Variants in COASY observed in about 807,000 individuals in gnomAD.
COASY encodes Coenzyme A synthase.
COASY carries 31 observed loss-of-function variants against 49.4 expected under a neutral mutation model. The ratio of observed to expected loss-of-function variants is 0.63; its 90% CI spans 0.47 to 0.85. The LOEUF is 0.85. Among genes scored for constraint, COASY ranks in the 40% least tolerant of loss-of-function variants. The pLI is 0.00. For synonymous variants in COASY, 285 were observed against 310.9 expected (o/e 0.92, Z 0.88); for missense variants, 730 against 734.1 (o/e 0.99, Z 0.06).
chr17:42,562,503 C>T lies in COASY; in HGVS notation c.-120C>T. On this transcript the variant is annotated 5_prime_UTR_variant, in exon 1 of 9. Transcript: ENST00000393818. The stretch of plus-strand genomic sequence containing the variant: ...GCTCCTGTCGGTCAGCACTGAAACC[C>T]CGTCCCTGCTCCAGGCCTCCTTCTC... The T allele has an allele frequency of 6.2e-7, 1 of 1,613,554 alleles. No homozygotes were observed. The highest frequency in any genetic ancestry group is 8.5e-7 in the Non-Finnish European group (1 of 1,179,800).
At chr17:42,563,682 T>C (rs1032970903) in intron 1 of COASY, 10 of 516,898 alleles carry the variant, frequency 1.9e-5, no homozygotes, top group African/African-American at 1.3e-4. Context: ...GGTCTTGGAA[T>C]TTTCCATCTG....
Position 42,564,971 on chromosome 17 carries a change from TG to T in COASY, c.1238-11del. The T allele has an allele frequency of 6.2e-7, 1 of 1,614,186 alleles. No individual in the cohort carries two copies. Among genetic ancestry groups the T allele is most frequent in the Non-Finnish European group, 8.5e-7 (1 of 1,180,028 alleles). ...AGGCCTCTGTGCTCAGTTGTCTGTCTGTGTTGTCCAGATATTCTCCATAAAG... is the reference window on the plus strand; with the variant it reads ...AGGCCTCTGTGCTCAGTTGTCTGTCTTGTTGTCCAGATATTCTCCATAAAG... On this transcript the variant is annotated splice_polypyrimidine_tract_variant and intron_variant, in intron 4 of 8. Transcript: ENST00000393818.
chr17:42,564,635 A>C, intron 3 of COASY, 58 bp downstream of exon 3: 4 of 1,559,622 alleles, frequency 2.6e-6, no homozygotes, highest in Admixed American at 3.8e-5. Flanking sequence ...TGGAGAGTAG[A>C]AGCTGAGGGG....
At position 42,564,149 on chromosome 17, in the gene COASY, G is replaced by T; in HGVS notation, c.889G>T (p.Ala297Ser). 1 of 1,614,116 alleles carries T rather than the reference G, an allele frequency of 6.2e-7. No homozygotes were observed. The change falls in exon 2 of 9, where the codon GCC becomes TCC. Residue 297 changes from alanine to serine, a missense_variant. By Grantham distance (99) the Ala-to-Ser change is moderately conservative. Transcript: ENST00000393818. ...CGAGGAGACCTATCGTGGGGGGATG[G>T]CCATCAACCGCTTCCGCCTTGAGAA... Reference protein sequence around the residue: ...VSEETYRGGMAINRFRLENDL... With the variant: ...VSEETYRGGMSINRFRLENDL...
chr17:42,562,363 C>G lies in COASY; in HGVS notation c.-260C>G, dbSNP rs986699620. 1.3e-6 allele frequency: 2 copies of G among 1,559,924 alleles called. No individual in the cohort carries two copies. Among genetic ancestry groups the G allele is most frequent in the Admixed American group, 3.4e-5 (2 of 59,526 alleles). On this transcript the variant is annotated 5_prime_UTR_variant, in exon 1 of 9. Coordinates refer to ENST00000393818, the MANE Select transcript of COASY (RefSeq NM_025233.7). Reference sequence around the variant, plus strand: ...ACAAGGGTTCCTGTCCAGTTTCCCCCTCCCAGGATTTCGACTCAGTTCAGC... The same window carrying G: ...ACAAGGGTTCCTGTCCAGTTTCCCCGTCCCAGGATTTCGACTCAGTTCAGC...
rs916188526 is a variant in COASY at position 42,566,263 on chromosome 17, G to A, written c.*295G>A. On this transcript the variant is annotated 3_prime_UTR_variant, in exon 9 of 9. Coordinates refer to ENST00000393818, the MANE Select transcript of COASY (RefSeq NM_025233.7). ...ACTGGAACCTGTAACAGAATTAAAG[G>A]TGAATGTTCTGAGATGTTGCTTGTA... 8.8e-6 allele frequency: 4 copies of A among 456,258 alleles called. No homozygotes were observed. In the Admixed American group the frequency reaches 1.5e-4, roughly 17 times the overall value. 28.3% of individuals were successfully genotyped at this position (456,258 alleles called of 1,614,324 possible). A position where few individuals can be genotyped will look rare whatever the true frequency, so the allele number is the denominator to read the frequency against.
chr17:42,566,072 C>A lies in COASY; in HGVS notation c.*104C>A. On this transcript the variant is annotated 3_prime_UTR_variant, in exon 9 of 9. Coordinates refer to ENST00000393818, the MANE Select transcript of COASY (RefSeq NM_025233.7). ...TCACCCTGGTTCAGGCCCAGAGGTCCAAGCTATACTGTGCAGGACATGGCC... is the reference window on the plus strand; with the variant it reads ...TCACCCTGGTTCAGGCCCAGAGGTCAAAGCTATACTGTGCAGGACATGGCC... 1.6e-6 allele frequency: 2 copies of A among 1,232,176 alleles called. No individual in the cohort carries two copies. Among genetic ancestry groups the A allele is most frequent in the Non-Finnish European group, 2.4e-6 (2 of 841,194 alleles). 76.3% of individuals were successfully genotyped at this position (1,232,176 alleles called of 1,614,324 possible).
At position 42,562,789 on chromosome 17, in the gene COASY, GC is replaced by G; in HGVS notation, c.171del (p.Val58CysfsTer30). 1 of 1,610,966 alleles carries G rather than the reference GC, an allele frequency of 6.2e-7. No homozygotes were observed. Among genetic ancestry groups the G allele is most frequent in the African/African-American group, 1.3e-5 (1 of 74,986 alleles). ...SLEGPAQPQS[S>X]PVQATFEVLD... Reference sequence around the variant, plus strand: ...GAGGGCCCGGCTCAGCCCCAGTCCAGCCCCGTGCAGGCCACGTTTGAGGTTC... The same window carrying G: ...GAGGGCCCGGCTCAGCCCCAGTCCAGCCCGTGCAGGCCACGTTTGAGGTTC... On this transcript the variant is annotated frameshift_variant, in exon 1 of 9. Coordinates refer to ENST00000393818, the MANE Select transcript of COASY (RefSeq NM_025233.7). LOFTEE classifies it high-confidence loss of function.
At chr17:42,563,534 C>T in intron 1 of COASY, 1 of 578,924 alleles carries the variant, frequency 1.7e-6, no homozygotes, top group South Asian at 2.2e-5. Flanking sequence ...TCAGAATACC[C>T]CAAATGTGAA....
In COASY at chr17:42,563,945, T is replaced by G. The variant is rs1033826685; in HGVS notation, c.701-16T>G. 6.3e-7 allele frequency: 1 copy of G among 1,586,732 alleles called. No homozygotes were observed. The highest frequency in any genetic ancestry group is 8.6e-7 in the Non-Finnish European group (1 of 1,162,502). On this transcript the variant is annotated splice_polypyrimidine_tract_variant and intron_variant, in intron 1 of 8. Coordinates refer to ENST00000393818, the MANE Select transcript of COASY (RefSeq NM_025233.7). Reference sequence around the variant, plus strand: ...CAATAAAAAGATCTCACTGTTCTTCTGGGCTCCTTCCCCAGGCAAGTTGCT... The same window carrying G: ...CAATAAAAAGATCTCACTGTTCTTCGGGGCTCCTTCCCCAGGCAAGTTGCT...
rs747782882 is a variant in COASY, at chr17:42,565,050, A to C, written c.1302+3A>C. The stretch of plus-strand genomic sequence containing the variant: ...GCAGCCGGGTGTTTGGGAATAAGGT[A>C]AACAATAACTTCCTAAGGGCTCCTA... On this transcript the variant is annotated splice_donor_region_variant and intron_variant, in intron 5 of 8. Coordinates refer to ENST00000393818, the MANE Select transcript of COASY (RefSeq NM_025233.7). 9 of 1,614,068 alleles carry C rather than the reference A, an allele frequency of 5.6e-6. No homozygotes were observed. The highest frequency in any genetic ancestry group is 6.8e-6 in the Non-Finnish European group (8 of 1,179,906).
At chr17:42,563,749 C>A in intron 1 of COASY, 1 of 567,602 alleles carries the variant, frequency 1.8e-6, no homozygotes, top group Non-Finnish European at 3.1e-6. Context: ...GTGGCTTATT[C>A]TCTGGACACA....
chr17:42,564,283 A>G, intron 2 of COASY, 108 bp downstream of exon 2: 2 of 1,446,152 alleles, frequency 1.4e-6, no homozygotes, highest in Non-Finnish European at 1.9e-6. Context: ...GTGGGGGCTC[A>G]GGGTGGTGGG....
chr17:42,565,003 A>G lies in COASY; in HGVS notation c.1258A>G (p.Ile420Val), dbSNP rs781219437. ...FGTDILHKDGIINRKVLGSRV... is the reference protein window; with the variant it reads ...FGTDILHKDGVINRKVLGSRV... The stretch of plus-strand genomic sequence containing the variant: ...TCCAGATATTCTCCATAAAGATGGC[A>G]TCATCAACAGGAAGGTCCTAGGCAG... Residue 420 changes from isoleucine (I) to valine (V), a missense_variant, in exon 5 of 9, where the codon ATC becomes GTC. Ile to Val is a conservative substitution (Grantham distance 29). Transcript: ENST00000393818. The G allele has an allele frequency of 2.5e-6, 4 of 1,614,112 alleles. No individual in the cohort carries two copies. The South Asian group carries it at 4.4e-5, about 18-fold the overall frequency.
rs144328390 is a variant in COASY at position 42,564,145 on chromosome 17, G to C, written c.885G>C (p.Gly295=). ...TCAGCGAGGAGACCTATCGTGGGGGGATGGCCATCAACCGCTTCCGCCTTG... is the reference window on the plus strand; with the variant it reads ...TCAGCGAGGAGACCTATCGTGGGGGCATGGCCATCAACCGCTTCCGCCTTG... ...LVVSEETYRG[G]MAINRFRLEN... The change falls in exon 2 of 9, where the codon GGG becomes GGC. Residue 295 remains glycine (G), a synonymous_variant. Transcript: ENST00000393818. 1,033 of 1,614,122 alleles carry C rather than the reference G, an allele frequency of 6.4e-4. 13 individuals carry two copies. The East Asian group carries it at 0.02, about 31-fold the overall frequency.
chr17:42,565,247 G>A lies in COASY; in HGVS notation c.1323G>A (p.Thr441=), dbSNP rs202081974. The change falls in exon 6 of 9, where the codon ACG becomes ACA. Residue 441 remains threonine, a synonymous_variant. Transcript: ENST00000393818. ...FGNKKQLKIL[T]DIMWPIIAKL... ...CCCAGAAGCAGCTGAAGATACTCAC[G>A]GACATTATGTGGCCAATTATCGCAA... The A allele has an allele frequency of 1.1e-5, 18 of 1,614,116 alleles. No individual in the cohort carries two copies. The highest frequency in any genetic ancestry group is 8.0e-5 in the African/African-American group (6 of 75,022).
In COASY at chr17:42,562,390, A is replaced by G. The variant is rs1438567314; in HGVS notation, c.-233A>G. 6.2e-7 allele frequency: 1 copy of G among 1,612,754 alleles called. No homozygotes were observed. The highest frequency in any genetic ancestry group is 8.5e-7 in the Non-Finnish European group (1 of 1,179,018). Reference sequence around the variant, plus strand: ...CCCAGGATTTCGACTCAGTTCAGCGAAGTCACCGCCCCGTCTGAGAAATGA... The same window carrying G: ...CCCAGGATTTCGACTCAGTTCAGCGGAGTCACCGCCCCGTCTGAGAAATGA... On this transcript the variant is annotated 5_prime_UTR_variant, in exon 1 of 9. Transcript: ENST00000393818.
rs1307285871 is a variant in COASY, at chr17:42,565,679, G to A, written c.1506G>A (p.Glu502=). ...CTCAGGCTGTAAGACGCATTGTGGA[G>A]AGGGATGGCCTCAGTGAAGCCGCGG... ...PETEAVRRIV[E]RDGLSEAAAQ... Residue 502 remains glutamate (E), a synonymous_variant, in exon 8 of 9, where the codon GAG becomes GAA. Transcript: ENST00000393818. The A allele has an allele frequency of 6.2e-7, 1 of 1,614,122 alleles. No homozygotes were observed. The highest frequency in any genetic ancestry group is 1.1e-5 in the South Asian group (1 of 91,088).
Position 42,563,255 on chromosome 17 carries a change from C to A in COASY, c.633C>A (p.Leu211=), listed in dbSNP as rs1467610262. The change falls in exon 1 of 9, where the codon CTC becomes CTA. Residue 211 remains leucine, a synonymous_variant. Transcript: ENST00000393818. ...TGCACAACGCCCACAAGGTGTTGCT[C>A]AGTGTCGCGTGCATCCTGGCCCAGG... The part of the protein sequence containing the change: ...DRLHNAHKVL[L]SVACILAQEQ... The A allele has an allele frequency of 6.2e-7, 1 of 1,611,910 alleles. No homozygotes were observed. The highest frequency in any genetic ancestry group is 8.5e-7 in the Non-Finnish European group (1 of 1,179,754).
Sources: allele counts gnomAD v4.1 joint callset, GRCh38; gene constraint gnomAD v4.1.1; transcripts MANE v1.5; gene names NCBI Gene and HGNC (gene_info 2026-07-23, HGNC 2026-07-21).